Variants in LRRC4C observed in about 807,000 individuals in gnomAD.
The protein encoded by LRRC4C is leucine-rich repeat-containing protein 4C.
Under a neutral mutation model 33.6 loss-of-function variants are expected in LRRC4C, and 5 were observed. The ratio of observed to expected loss-of-function variants is 0.15; its 90% CI spans 0.08 to 0.31. The LOEUF is 0.31. LRRC4C is among the 10% of genes least tolerant of loss of function. LRRC4C has a pLI of 1.00. For missense variants in LRRC4C, 560 were observed against 796.7 expected (o/e 0.70, Z 3.58); for synonymous variants, 329 against 302.0 (o/e 1.09, Z -0.93).
intron 5 of LRRC4C, among the ~76,000 whole-genome samples, chr11:40,212,471 T>TAAA (rs1554975050): frequency 2.3e-4 from 33 of 144,730 alleles, no homozygotes; most frequent in Admixed American, 9.5e-4. Flanking sequence ...CAAGCAAAAT[T>TAAA]AAAAAAAAAA....
At chr11:40,392,718 G>A (rs1949384156) in intron 3 of LRRC4C, among the ~76,000 whole-genome samples, 1 of 151,892 alleles carries the variant, frequency 6.6e-6, no homozygotes, top group African/African-American at 2.4e-5. Context: ...TTATTGTCCT[G>A]AAGAAATATA....
intron 3 of LRRC4C, among the ~76,000 whole-genome samples, chr11:40,615,253 T>TATATATATATATATATAA (rs914584100): frequency 6.8e-4 from 63 of 93,088 alleles, no homozygotes; most frequent in African/African-American, 2.0e-3. Context: ...TATATATATA[T>TATATATATATATATATAA]ATATATATAT....
intron 1 of LRRC4C, among the ~76,000 whole-genome samples, chr11:41,237,645 CAA>C (rs920038237): frequency 6.6e-6 from 1 of 152,138 alleles, no homozygotes; most frequent in Non-Finnish European, 1.5e-5. Context: ...CTGCAAGAAA[CAA>C]AAGCACCATC....
At chr11:40,907,426 A>G (rs1956472392) in intron 2 of LRRC4C, among the ~76,000 whole-genome samples, 1 of 152,216 alleles carries the variant, frequency 6.6e-6, no homozygotes, top group South Asian at 2.1e-4. Flanking sequence ...AGAGAGTGTC[A>G]AAATCATTTA....
chr11:40,985,322 C>A (rs1417845216), intron 1 of LRRC4C, among the ~76,000 whole-genome samples: 1 of 151,888 alleles, frequency 6.6e-6, no homozygotes, highest in Non-Finnish European at 1.5e-5. Context: ...CTGAAAGATA[C>A]ATTTATCTTC....
At chr11:41,457,514 C>A (rs1956207397) in intron 1 of LRRC4C, among the ~76,000 whole-genome samples, 1 of 152,098 alleles carries the variant, frequency 6.6e-6, no homozygotes, top group Non-Finnish European at 1.5e-5. Flanking sequence ...GTTTCTTATT[C>A]ATATATTATT....
At chr11:40,337,190 C>T (rs1267849357) in intron 3 of LRRC4C, among the ~76,000 whole-genome samples, 1 of 152,064 alleles carries the variant, frequency 6.6e-6, no homozygotes, top group Admixed American at 6.5e-5. Context: ...GGAATTTTCA[C>T]AGCTTCATGA....
At chr11:41,140,576 A>AG (rs1291689312) in intron 1 of LRRC4C, among the ~76,000 whole-genome samples, 1 of 152,224 alleles carries the variant, frequency 6.6e-6, no homozygotes, top group Non-Finnish European at 1.5e-5. Context: ...GGCCCATTGC[A>AG]GGGTAAAACG....
intron 2 of LRRC4C, among the ~76,000 whole-genome samples, chr11:40,678,790 T>C (rs1944536465): frequency 6.6e-6 from 1 of 152,074 alleles, no homozygotes; most frequent in Admixed American, 6.6e-5. Flanking sequence ...CTCTTTCCTG[T>C]ATAAATTACC....
At chr11:40,364,814 T>A (rs1590458956) in intron 3 of LRRC4C, among the ~76,000 whole-genome samples, 1 of 151,758 alleles carries the variant, frequency 6.6e-6, no homozygotes, top group Non-Finnish European at 1.5e-5. Flanking sequence ...GACCCACTCC[T>A]ACAGAGGAAC....
chr11:41,309,952 A>G (rs1449252665), intron 1 of LRRC4C, among the ~76,000 whole-genome samples: 1 of 152,178 alleles, frequency 6.6e-6, no homozygotes, highest in Non-Finnish European at 1.5e-5. Context: ...CCTATCTTCA[A>G]CTGCGCTTTG....
At chr11:41,218,672 A>T (rs1947167981) in intron 1 of LRRC4C, among the ~76,000 whole-genome samples, 1 of 152,174 alleles carries the variant, frequency 6.6e-6, no homozygotes, top group Non-Finnish European at 1.5e-5. Context: ...TGGTCAAAAA[A>T]GTTTAAAGAA....
intron 1 of LRRC4C, among the ~76,000 whole-genome samples, chr11:41,011,425 T>C (rs1204886299): frequency 6.6e-6 from 1 of 152,198 alleles, no homozygotes; most frequent in African/African-American, 2.4e-5. Context: ...TGTAGCTGGT[T>C]GGGTCTTTCA....
intron 3 of LRRC4C, among the ~76,000 whole-genome samples, chr11:40,499,773 GA>G (rs1285095983): frequency 6.6e-6 from 1 of 152,118 alleles, no homozygotes; most frequent in African/African-American, 2.4e-5. Flanking sequence ...CGTGAAAGGG[GA>G]AATGAGTAGT....
chr11:41,309,464 T>C (rs1457870903), intron 1 of LRRC4C, among the ~76,000 whole-genome samples: 11 of 152,178 alleles, frequency 7.2e-5, no homozygotes, highest in African/African-American at 2.4e-4. Flanking sequence ...TCTTTTGAGG[T>C]TGAGAATAGA....
chr11:40,978,700 C>T (rs900162715), intron 1 of LRRC4C, among the ~76,000 whole-genome samples: 3 of 150,978 alleles, frequency 2.0e-5, no homozygotes, highest in African/African-American at 7.3e-5. Context: ...CAGCTCACTG[C>T]AACCTCCGCC....
At chr11:41,215,703 G>A (rs1226873829) in intron 1 of LRRC4C, among the ~76,000 whole-genome samples, 1 of 151,986 alleles carries the variant, frequency 6.6e-6, no homozygotes, top group African/African-American at 2.4e-5. Context: ...GCTATAGCCT[G>A]TATCAGTACT....
intron 4 of LRRC4C, among the ~76,000 whole-genome samples, chr11:40,307,844 C>T (rs1231488153): frequency 6.6e-6 from 1 of 152,176 alleles, no homozygotes; most frequent in Non-Finnish European, 1.5e-5. Context: ...AAACTTATCT[C>T]CAGATGCTTG....
intron 3 of LRRC4C, among the ~76,000 whole-genome samples, chr11:40,415,909 G>A (rs1032146355): frequency 3.9e-5 from 6 of 152,136 alleles, no homozygotes; most frequent in African/African-American, 9.7e-5. Flanking sequence ...AAATGCATAC[G>A]CATGTATGAG....
Sources: allele counts gnomAD v4.1 joint callset (sites outside exome capture counted in the v4.1 genomes callset), GRCh38; gene constraint gnomAD v4.1.1; transcripts MANE v1.5; gene names NCBI Gene and HGNC (gene_info 2026-07-23, HGNC 2026-07-21).